Variants in ADGRE3 observed in about 807,000 individuals in gnomAD.
ADGRE3 encodes EGF-like module receptor 3.
ADGRE3 carries 88 observed loss-of-function variants against 80.1 expected under a neutral mutation model. That is an observed-to-expected ratio of 1.10 (90% CI 0.93 to 1.31). ADGRE3 has a LOEUF of 1.31. ADGRE3 is among the 40% of genes most tolerant of loss of function. The probability of loss-of-function intolerance (pLI) is 0.00; values close to 1 mark genes in which losing one functional copy is unlikely to be tolerated. For missense variants in ADGRE3, 715 were observed against 776.5 expected, an observed-to-expected ratio of 0.92 and a Z score of 0.94; for synonymous variants, 281 against 294.8, an observed-to-expected ratio of 0.95 and a Z score of 0.48.
At chr19:14,663,690 A>C in intron 2 of ADGRE3, 150 bp from the exon 3 acceptor site, 6 of 880,374 alleles carry the variant, frequency 6.8e-6, no homozygotes, top group East Asian at 3.2e-5. Context: ...AATACCAAAA[A>C]TAGCCAGGCG....
chr19:14,631,094 A>G (rs1021870485), intron 13 of ADGRE3, among the ~76,000 whole-genome samples: 1 of 151,992 alleles, frequency 6.6e-6, no homozygotes, highest in Non-Finnish European at 1.5e-5. Flanking sequence ...CTGGTCTCGA[A>G]CGACTGACCT....
intron 13 of ADGRE3, among the ~76,000 whole-genome samples, chr19:14,630,832 T>G (rs1970862391): frequency 6.6e-6 from 1 of 152,204 alleles, no homozygotes; most frequent in African/African-American, 2.4e-5. Flanking sequence ...CAGACATGCA[T>G]AAGGCATTTG....
intron 5 of ADGRE3, among the ~76,000 whole-genome samples, chr19:14,656,375 GAA>G (rs78369860): frequency 2.0e-4 from 26 of 130,624 alleles, no homozygotes; most frequent in Admixed American, 6.0e-4. Flanking sequence ...AAAAAGAAAA[GAA>G]AAAAAAAAAA....
intron 4 of ADGRE3, among the ~76,000 whole-genome samples, chr19:14,660,464 C>T (rs968382126): frequency 6.6e-6 from 1 of 151,880 alleles, no homozygotes; most frequent in African/African-American, 2.4e-5. Context: ...CCCATCTCTA[C>T]AAAAAATGAA....
chr19:14,660,937 CTTTTTT>C lies in ADGRE3; in HGVS notation c.355+1020_355+1025del, dbSNP rs35730102. 6.2e-3 allele frequency among the ~76,000 whole-genome samples: 514 copies of C among 83,500 alleles called. 3 individuals carry two copies. Among genetic ancestry groups the C allele is most frequent in the Non-Finnish European group, 8.8e-3 (400 of 45,502 alleles). The allele number at this position is 83,500 out of a possible 152,430, so 54.8% of individuals were successfully genotyped here. ...TGGAGCGGGTTGGTGGTCATATTTC[CTTTTTT>C]TTTTTTTTTTTTTTTTGAGACAGAG... On this transcript the variant is annotated intron_variant, in intron 4 of 15. Transcript: ENST00000253673.
chr19:14,638,544 GT>G (rs558736217), intron 10 of ADGRE3, among the ~76,000 whole-genome samples: 194 of 152,138 alleles, frequency 1.3e-3, no homozygotes, highest in Admixed American at 4.5e-3. Context: ...GAGCCCAGGA[GT>G]TTGAGACCAG....
At chr19:14,612,777 G>A in the ADGRE3 span, among the ~76,000 whole-genome samples, 4 of 152,112 alleles carry the variant, frequency 2.6e-5, no homozygotes, top group South Asian at 4.1e-4. Context: ...ACCCCCACCC[G>A]ACCCTCCTGC....
chr19:14,647,293 A>G lies in ADGRE3; in HGVS notation c.770T>C (p.Met257Thr). Residue 257 changes from methionine to threonine, a missense_variant, in exon 8 of 16, where the codon ATG becomes ACG. By Grantham distance (81) the Met-to-Thr change is moderately conservative. Transcript: ENST00000253673. ...CAGATACACTTGATCTTTCTTATCC[A>G]TCTCTTCAAAAAAAGTTGCATTTAT... is the stretch of plus-strand genomic sequence containing the variant. The part of the protein sequence containing the change: ...NIINATFFEE[M>T]DKKDQVYLNS... 1 of 1,613,294 alleles carries G rather than the reference A, an allele frequency of 6.2e-7. No individual in the cohort carries two copies. The highest frequency in any genetic ancestry group is 1.6e-4 in the Middle Eastern group (1 of 6,062).
intron 9 of ADGRE3, among the ~76,000 whole-genome samples, chr19:14,642,747 G>T (rs907845928): frequency 3.3e-5 from 5 of 152,144 alleles, no homozygotes; most frequent in African/African-American, 1.2e-4. Context: ...CAAAGGACAT[G>T]ATCTCATTCT....
At chr19:14,650,633 CTCTCT>C (rs1568490803) in intron 7 of ADGRE3, among the ~76,000 whole-genome samples, 1 of 8,606 alleles carries the variant, frequency 1.2e-4, no homozygotes, top group Non-Finnish European at 2.4e-4. Flanking sequence ...GTCTCCATCT[CTCTCT>C]CTCTCTCTCT....
intron 7 of ADGRE3, 114 bp downstream of exon 7, chr19:14,650,971 G>A (rs1599636696): frequency 1.1e-5 from 11 of 1,045,928 alleles, no homozygotes; most frequent in South Asian, 8.0e-5. Context: ...CTCCAATATC[G>A]TAGTTTGAGG....
At chr19:14,627,459 C>T (rs1247347012) in intron 14 of ADGRE3, among the ~76,000 whole-genome samples, 1 of 152,256 alleles carries the variant, frequency 6.6e-6, no homozygotes, top group African/African-American at 2.4e-5. Context: ...CTCACTGCAA[C>T]CTCTGCCTGC....
At chr19:14,668,552 C>G (rs1229407401) in intron 2 of ADGRE3, 1 of 498,180 alleles carries the variant, frequency 2.0e-6, no homozygotes, top group Non-Finnish European at 3.5e-6. Context: ...ATTTTCTGTT[C>G]TATCTCCACT....
At chr19:14,646,459 A>G (rs1314054856) in intron 8 of ADGRE3, among the ~76,000 whole-genome samples, 1 of 151,224 alleles carries the variant, frequency 6.6e-6, no homozygotes, top group Non-Finnish European at 1.5e-5. Context: ...TAATTTATAC[A>G]TTATAATTGT....
At chr19:14,647,738 G>C (rs915938225) in intron 7 of ADGRE3, among the ~76,000 whole-genome samples, 1 of 151,264 alleles carries the variant, frequency 6.6e-6, no homozygotes, top group Non-Finnish European at 1.5e-5. Context: ...TAGAAGAGTT[G>C]TTCTCAGATG....
Position 14,626,686 on chromosome 19 carries a change from C to T in ADGRE3, c.1813-1087G>A, listed in dbSNP as rs1970745412. Among the ~76,000 whole-genome samples, 5 of 152,190 alleles carry T rather than the reference C, an allele frequency of 3.3e-5. No homozygotes were observed. In the South Asian group the frequency reaches 1.0e-3, roughly 32 times the overall value. On this transcript the variant is annotated intron_variant, in intron 14 of 15. Coordinates refer to ENST00000253673, the MANE Select transcript of ADGRE3 (RefSeq NM_032571.5). ...CCAGTAGGGCAATGAGGAAGCAGGA[C>T]AGGGAAGAGAAGGCAGCTGGTAAAG...
chr19:14,631,854 A>T (rs982654786), intron 13 of ADGRE3, among the ~76,000 whole-genome samples: 4 of 152,136 alleles, frequency 2.6e-5, no homozygotes, highest in Admixed American at 2.0e-4. Context: ...CAGGCTGTTA[A>T]TTCTGGCTTC....
chr19:14,672,636 T>C (rs960787767), intron 1 of ADGRE3, among the ~76,000 whole-genome samples: 2 of 152,194 alleles, frequency 1.3e-5, no homozygotes, highest in Non-Finnish European at 2.9e-5. Flanking sequence ...TATATTATCA[T>C]TTGAGCTCTG....
intron 8 of ADGRE3, among the ~76,000 whole-genome samples, chr19:14,646,516 A>AC (rs1205878825): frequency 6.7e-6 from 1 of 149,920 alleles, no homozygotes; most frequent in Non-Finnish European, 1.5e-5. Context: ...GTATTTGCAT[A>AC]CCATGTAGAA....
Sources: allele counts gnomAD v4.1 joint callset (sites outside exome capture counted in the v4.1 genomes callset), GRCh38; gene constraint gnomAD v4.1.1; transcripts MANE v1.5; gene names NCBI Gene and HGNC (gene_info 2026-07-23, HGNC 2026-07-21).